The following CLIC3 variants were observed in gnomAD, a reference collection of about 807,000 sequenced individuals.
CLIC3 encodes the protein CLIC family member 3, also known as chloride intracellular channel protein 3.
CLIC3 carries 29 observed loss-of-function variants against 19.9 expected under a neutral mutation model. That is an observed-to-expected ratio of 1.46 (90% CI 1.09 to 1.99). The LOEUF is 1.99. Ranked by LOEUF, CLIC3 falls within the 30% of genes most tolerant of loss-of-function variation. The probability of loss-of-function intolerance (pLI) is 0.00; values close to 1 mark genes in which losing one functional copy is unlikely to be tolerated. For synonymous variants in CLIC3, 143 were observed against 156.4 expected (o/e 0.91, Z 0.64); for missense variants, 365 against 342.6 (o/e 1.07, Z -0.52).
rs3793641 is a variant in CLIC3 at position 136,996,047 on chromosome 9, G to A, written c.34-290C>T. 7.1e-4 allele frequency among the ~76,000 whole-genome samples: 108 copies of A among 152,350 alleles called. No individual in the cohort carries two copies. The East Asian group carries it at 0.018, about 25-fold the overall frequency. On this transcript the variant is annotated intron_variant, in intron 1 of 5. Coordinates refer to ENST00000494426, the MANE Select transcript of CLIC3 (RefSeq NM_004669.3). The stretch of plus-strand genomic sequence containing the variant: ...AGGCCCCTGGGCTCAGTCCCCAAAA[G>A]CTGGTTGCAGGGGTGGGGTGGGCCT...
At position 136,996,518 on chromosome 9, in the gene CLIC3, A is replaced by G. The variant is rs1440301740; in HGVS notation, c.26T>C (p.Phe9Ser). ...GCTGAGTCCGCCCTGCACCTTGACA[A>G]ACAGCTGGAGCTTGGTCTCCGCCAT... is the stretch of plus-strand genomic sequence containing the variant. MAETKLQL[F>S]VKASEDGESV... The change falls in exon 1 of 6, where the codon TTT becomes TCT. Residue 9 changes from phenylalanine (F) to serine (S), a missense_variant. Transcript: ENST00000494426. 6.4e-7 allele frequency: 1 copy of G among 1,555,472 alleles called. No individual in the cohort carries two copies. The highest frequency in any genetic ancestry group is 1.2e-5 in the South Asian group (1 of 84,354).
Position 136,995,092 on chromosome 9 carries a change from C to T in CLIC3, c.390G>A (p.Gln130=). The change falls in exon 5 of 6, where the codon CAG becomes CAA. Residue 130 remains glutamine, a synonymous_variant. Coordinates refer to ENST00000494426, the MANE Select transcript of CLIC3 (RefSeq NM_004669.3). The part of the protein sequence containing the change: ...VPAQDEALYQ[Q]LLRALARLDS... ...CCAGCCTGGCGAGGGCGCGCAGCAG[C>T]TGCTGGTACAGGGCTAGGGGGCAGG... 6.5e-7 allele frequency: 1 copy of T among 1,531,986 alleles called. No homozygotes were observed. The highest frequency in any genetic ancestry group is 8.8e-7 in the Non-Finnish European group (1 of 1,137,408). The allele number at this position is 1,531,986 out of a possible 1,614,324, so 94.9% of individuals were successfully genotyped here. A position where few individuals can be genotyped will look rare whatever the true frequency, so the allele number is the denominator to read the frequency against.
At position 136,995,677 on chromosome 9, in the gene CLIC3, A is replaced by G. The variant is rs13795; in HGVS notation, c.114T>C (p.Pro38=). 9,454 of 1,609,942 alleles carry G rather than the reference A, an allele frequency of 5.9e-3. 467 individuals are homozygous for G. In the African/African-American group the frequency reaches 0.11, roughly 18 times the overall value. ...GCGTGTCCACCGTGGTGAGGGTGAA[A>G]GGTACGCCCTTGAGGAGCAGGACCA... ...LFMVLLLKGV[P]FTLTTVDTRR... Residue 38 remains proline (P), a synonymous_variant, in exon 2 of 6, where the codon CCT becomes CCC. Transcript: ENST00000494426.
chr9:136,994,703 C>G lies in CLIC3; in HGVS notation c.689G>C (p.Arg230Pro), dbSNP rs1830669341. Residue 230 changes from arginine (R) to proline (P), a missense_variant, in exon 6 of 6, where the codon CGG (arginine) becomes CCG (proline). Transcript: ENST00000494426. Reference protein sequence around the residue: ...PHSAEILAAYRPAVHPR With the variant: ...PHSAEILAAYPPAVHPR ...GCGCTAGCGGGGGTGCACGGCGGGC[C>G]GGTAGGCCGCCAGGATCTCGGCGCT... The G allele has an allele frequency of 6.2e-7, 1 of 1,609,360 alleles. No individual in the cohort carries two copies. The highest frequency in any genetic ancestry group is 8.5e-7 in the Non-Finnish European group (1 of 1,178,670).
In CLIC3 at chr9:136,995,191, T is replaced by A; in HGVS notation, c.371A>T (p.Asp124Val). 6.2e-7 allele frequency: 1 copy of A among 1,612,230 alleles called. No individual in the cohort carries two copies. Among genetic ancestry groups the A allele is most frequent in the Non-Finnish European group, 8.5e-7 (1 of 1,179,646 alleles). ...AFIKNPVPAQ[D>V]EALYQQLLRA... ...ACCCCCTGACCCCGCTTCACCTTCG[T>A]CCTGCGCGGGCACCGGGTTCTTGAT... The change falls in exon 4 of 6, where the codon GAC becomes GTC. Residue 124 changes from aspartate to valine, a missense_variant. Transcript: ENST00000494426.
In CLIC3 at chr9:136,995,014, C is replaced by A; in HGVS notation, c.468G>T (p.Leu156=). ...LEHELAGEPQ[L]RESRRRFLDG... ...CCAGGAAGCGGCGGCGGGACTCGCG[C>A]AGCTGCGGCTCCCCCGCCAGCTCGT... The change falls in exon 5 of 6, where the codon CTG becomes CTT. Residue 156 remains leucine (L), a synonymous_variant. Transcript: ENST00000494426. The A allele has an allele frequency of 1.3e-6, 2 of 1,507,494 alleles. No individual in the cohort carries two copies. Among genetic ancestry groups the A allele is most frequent in the Non-Finnish European group, 1.8e-6 (2 of 1,133,622 alleles). 93.4% of individuals were successfully genotyped at this position (1,507,494 alleles called of 1,614,324 possible).
At chr9:136,995,588 G>A (rs964498064) in intron 2 of CLIC3, 21 bp from the exon 3 acceptor site, 1 of 1,610,854 alleles carries the variant, frequency 6.2e-7, no homozygotes, top group African/African-American at 1.3e-5. Context: ...CAGCGGGGTG[G>A]GAGGAGGCCG....
chr9:136,995,038 G>A lies in CLIC3; in HGVS notation c.444C>T (p.His148=), dbSNP rs943378832. 1.3e-6 allele frequency: 2 copies of A among 1,511,738 alleles called. No individual in the cohort carries two copies. The highest frequency in any genetic ancestry group is 2.1e-5 in the Admixed American group (1 of 48,162). 93.6% of individuals were successfully genotyped at this position (1,511,738 alleles called of 1,614,324 possible). ...GCAGCTGCGGCTCCCCCGCCAGCTC[G>A]TGCTCCAGGGGCGCGCGCAGGTAGC... ...LDSYLRAPLE[H]ELAGEPQLRE... is the part of the protein sequence containing the mutation. Residue 148 remains histidine (H), a synonymous_variant, in exon 5 of 6, where the codon CAC becomes CAT. Transcript: ENST00000494426.
chr9:136,994,897 T>TCGGG, intron 5 of CLIC3, 33 bp downstream of exon 5: 1 of 1,471,198 alleles, frequency 6.8e-7, no homozygotes, highest in Non-Finnish European at 8.9e-7. Flanking sequence ...CGCGCCGCGG[T>TCGGG]CACCCTCCCG....
intron 4 of CLIC3, 33 bp downstream of exon 4, chr9:136,995,153 G>T (rs921424266): frequency 1.3e-6 from 2 of 1,596,446 alleles, no homozygotes; most frequent in East Asian, 4.5e-5. Flanking sequence ...GCGCCCTCCC[G>T]CCTGGGCACC....
At position 136,996,450 on chromosome 9, in the gene CLIC3, G is replaced by A. The variant is rs564792973; in HGVS notation, c.33+61C>T. 14 of 1,477,702 alleles carry A rather than the reference G, an allele frequency of 9.5e-6. No individual in the cohort carries two copies. In the East Asian group the frequency reaches 3.0e-4, roughly 31 times the overall value. The allele number at this position is 1,477,702 out of a possible 1,614,324, so 91.5% of individuals were successfully genotyped here. A position where few individuals can be genotyped will look rare whatever the true frequency, so the allele number is the denominator to read the frequency against. On this transcript the variant is annotated intron_variant, in intron 1 of 5. Transcript: ENST00000494426. ...CCCACCCCACAGCCTGCCACAGAAA[G>A]CAAAGCCCAGAAAAGCGCTTCCTCC... is the stretch of plus-strand genomic sequence containing the variant.
chr9:136,995,003 C>A lies in CLIC3; in HGVS notation c.479G>T (p.Arg160Leu). 6.7e-7 allele frequency: 1 copy of A among 1,503,370 alleles called. No individual in the cohort carries two copies. Among genetic ancestry groups the A allele is most frequent in the South Asian group, 1.2e-5 (1 of 80,804 alleles). The allele number at this position is 1,503,370 out of a possible 1,614,324, so 93.1% of individuals were successfully genotyped here. ...CCTGTCGCCGTCCAGGAAGCGGCGG[C>A]GGGACTCGCGCAGCTGCGGCTCCCC... is the stretch of plus-strand genomic sequence containing the variant. ...LAGEPQLRESRRRFLDGDRLT... is the reference protein window; with the variant it reads ...LAGEPQLRESLRRFLDGDRLT... The change falls in exon 5 of 6, where the codon CGC (arginine) becomes CTC (leucine). Residue 160 changes from arginine (R) to leucine (L), a missense_variant. Transcript: ENST00000494426.
chr9:136,994,878 TC>T, intron 5 of CLIC3, 39 bp from the exon 6 acceptor site: 1 of 1,488,854 alleles, frequency 6.7e-7, no homozygotes. Flanking sequence ...GGACCTGCCG[TC>T]CCCCAGGCGC....
rs772540716 is a variant in CLIC3 at position 136,995,662 on chromosome 9, C to G, written c.129G>C (p.Thr43=). Residue 43 remains threonine, a synonymous_variant, in exon 2 of 6, where the codon ACG becomes ACC. Coordinates refer to ENST00000494426, the MANE Select transcript of CLIC3 (RefSeq NM_004669.3). ...LLKGVPFTLT[T]VDTRRSPDVL... ...TGGGGCCTCACCTGCGCGTGTCCAC[C>G]GTGGTGAGGGTGAAAGGTACGCCCT... The G allele has an allele frequency of 1.2e-6, 2 of 1,610,674 alleles. No homozygotes were observed. The highest frequency in any genetic ancestry group is 8.5e-7 in the Non-Finnish European group (1 of 1,178,902).
rs909081689 is a variant in CLIC3, at chr9:136,995,561, C to T, written c.150G>A (p.Pro50=). 1.2e-6 allele frequency: 2 copies of T among 1,611,900 alleles called. No homozygotes were observed. Among genetic ancestry groups the T allele is most frequent in the Non-Finnish European group, 1.7e-6 (2 of 1,179,460 alleles). The change falls in exon 3 of 6, where the codon CCG becomes CCA. Residue 50 remains proline, a synonymous_variant. Transcript: ENST00000494426. ...CGGGGGCGAAGTCCTTCAGCACGTC[C>T]GGGGACCTGCGGGCAGCAGCGGGGT... The part of the protein sequence containing the change: ...TLTTVDTRRS[P]DVLKDFAPGS...
chr9:136,995,636 A>T lies in CLIC3; in HGVS notation c.143+12T>A, dbSNP rs1433276341. 6.2e-7 allele frequency: 1 copy of T among 1,609,728 alleles called. No homozygotes were observed. The highest frequency in any genetic ancestry group is 1.7e-5 in the Admixed American group (1 of 59,816). Reference sequence around the variant, plus strand: ...GCGAGGCCAGGCGGGGGTCCACAGGATGGGGCCTCACCTGCGCGTGTCCAC... The same window carrying T: ...GCGAGGCCAGGCGGGGGTCCACAGGTTGGGGCCTCACCTGCGCGTGTCCAC... On this transcript the variant is annotated intron_variant, in intron 2 of 5. Coordinates refer to ENST00000494426, the MANE Select transcript of CLIC3 (RefSeq NM_004669.3).
intron 3 of CLIC3, 48 bp downstream of exon 3, chr9:136,995,391 GTCC>G (rs1564203368): frequency 6.2e-7 from 1 of 1,609,998 alleles, no homozygotes; most frequent in Admixed American, 1.7e-5. Flanking sequence ...TCTTGCGCGC[GTCC>G]TCCCTGGGCC....
chr9:136,995,628 T>C lies in CLIC3; in HGVS notation c.143+20A>G, dbSNP rs775073323. 1.2e-6 allele frequency: 2 copies of C among 1,608,818 alleles called. No homozygotes were observed. The highest frequency in any genetic ancestry group is 2.2e-5 in the South Asian group (2 of 90,812). On this transcript the variant is annotated intron_variant, in intron 2 of 5. Coordinates refer to ENST00000494426, the MANE Select transcript of CLIC3 (RefSeq NM_004669.3). ...ACCAGTGTGCGAGGCCAGGCGGGGG[T>C]CCACAGGATGGGGCCTCACCTGCGC...
Position 136,994,917 on chromosome 9 carries a change from C to A in CLIC3, c.552+13G>T, listed in dbSNP as rs2131409940. On this transcript the variant is annotated intron_variant, in intron 5 of 5. Coordinates refer to ENST00000494426, the MANE Select transcript of CLIC3 (RefSeq NM_004669.3). ...CGCGGTCACCCTCCCGCCCGCCCACCTTCCGTGCTCACGTCGACGATGTGC... is the reference window on the plus strand; with the variant it reads ...CGCGGTCACCCTCCCGCCCGCCCACATTCCGTGCTCACGTCGACGATGTGC... 1.4e-6 allele frequency: 2 copies of A among 1,478,576 alleles called. No individual in the cohort carries two copies. The highest frequency in any genetic ancestry group is 5.3e-5 in the East Asian group (2 of 37,844). The allele number at this position is 1,478,576 out of a possible 1,614,324, so 91.6% of individuals were successfully genotyped here. A position where few individuals can be genotyped will look rare whatever the true frequency, so the allele number is the denominator to read the frequency against.
Sources: allele counts gnomAD v4.1 joint callset (sites outside exome capture counted in the v4.1 genomes callset), GRCh38; gene constraint gnomAD v4.1.1; transcripts MANE v1.5; gene names NCBI Gene and HGNC (gene_info 2026-07-23, HGNC 2026-07-21).